Variants in ERBB4 observed in about 807,000 individuals in gnomAD.
The protein encoded by ERBB4 is receptor tyrosine-protein kinase erbB-4.
Under a neutral mutation model 158.0 loss-of-function variants are expected in ERBB4, and 42 were observed. That is an observed-to-expected ratio of 0.27 (90% CI 0.21 to 0.34). The LOEUF (loss-of-function observed/expected upper bound fraction) is 0.34, where lower values mean the gene tolerates loss of function less well. Among genes scored for constraint, ERBB4 ranks in the 10% least tolerant of loss-of-function variants. The pLI, the probability that ERBB4 is intolerant of heterozygous loss-of-function variation, is 1.00. For synonymous variants in ERBB4, 583 were observed against 558.7 expected (o/e 1.04, Z -0.61); for missense variants, 1,333 against 1,624.1 (o/e 0.82, Z 3.08).
intron 3 of ERBB4, among the ~76,000 whole-genome samples, chr2:211,889,778 A>T (rs1013053671): frequency 6.6e-6 from 1 of 151,926 alleles, no homozygotes; most frequent in African/African-American, 2.4e-5. Context: ...TCAGGAGCCG[A>T]TGCGATCAAC....
chr2:212,407,570 T>C (rs983533890), intron 1 of ERBB4, among the ~76,000 whole-genome samples: 4 of 152,114 alleles, frequency 2.6e-5, no homozygotes, highest in African/African-American at 9.7e-5. Flanking sequence ...TATATATATG[T>C]ATTTAAGTGT....
chr2:211,905,659 T>C (rs111425020), intron 3 of ERBB4, among the ~76,000 whole-genome samples: 46 of 121,366 alleles, frequency 3.8e-4, no homozygotes, highest in African/African-American at 1.5e-3. Flanking sequence ...TATATATATA[T>C]ATATATATAT....
intron 3 of ERBB4, among the ~76,000 whole-genome samples, chr2:211,807,016 T>C (rs2076634054): frequency 6.6e-6 from 1 of 152,152 alleles, no homozygotes; most frequent in Non-Finnish European, 1.5e-5. Context: ...TAATATATTC[T>C]GTTCAATAGA....
chr2:212,209,140 T>C (rs2105922005), intron 1 of ERBB4, among the ~76,000 whole-genome samples: 1 of 152,264 alleles, frequency 6.6e-6, no homozygotes, highest in South Asian at 2.1e-4. Context: ...CATAATCCTT[T>C]CTATGGAAAT....
intron 1 of ERBB4, among the ~76,000 whole-genome samples, chr2:212,446,999 T>C (rs1035580589): frequency 6.6e-6 from 1 of 150,962 alleles, no homozygotes; most frequent in African/African-American, 2.4e-5. Context: ...ATTTTTCTTT[T>C]TTTTTTTTTT....
At chr2:212,165,127 T>A (rs2125657126) in intron 1 of ERBB4, among the ~76,000 whole-genome samples, 1 of 152,020 alleles carries the variant, frequency 6.6e-6, no homozygotes, top group East Asian at 1.9e-4. Context: ...CCCACCTGAA[T>A]TTTCCTATTT....
At chr2:211,910,493 A>G (rs898366016) in intron 3 of ERBB4, among the ~76,000 whole-genome samples, 2 of 151,214 alleles carry the variant, frequency 1.3e-5, no homozygotes, top group Admixed American at 1.3e-4. Flanking sequence ...CAAATACTGC[A>G]TGTTCCCACT....
At chr2:211,585,815 A>G (rs1248171929) in intron 19 of ERBB4, among the ~76,000 whole-genome samples, 5 of 152,152 alleles carry the variant, frequency 3.3e-5, no homozygotes. Flanking sequence ...TGTTATCAAT[A>G]TTATTATGGA....
chr2:211,646,369 T>A (rs1296527155), intron 16 of ERBB4, among the ~76,000 whole-genome samples: 3 of 151,490 alleles, frequency 2.0e-5, no homozygotes, highest in Non-Finnish European at 4.4e-5. Context: ...GCTGGTGAGC[T>A]TTAACTATCA....
chr2:211,606,818 G>A (rs546379243), intron 19 of ERBB4, among the ~76,000 whole-genome samples: 1 of 152,240 alleles, frequency 6.6e-6, no homozygotes, highest in African/African-American at 2.4e-5. Context: ...AGTGAATGCT[G>A]CACATTTTGA....
At chr2:212,070,490 C>T (rs963047606) in intron 2 of ERBB4, among the ~76,000 whole-genome samples, 12 of 152,040 alleles carry the variant, frequency 7.9e-5, no homozygotes, top group African/African-American at 2.7e-4. Context: ...AGATAATACA[C>T]ATATAAATCA....
chr2:211,574,050 C>T (rs1367284824), intron 19 of ERBB4, among the ~76,000 whole-genome samples: 1 of 152,136 alleles, frequency 6.6e-6, no homozygotes, highest in Admixed American at 6.5e-5. Flanking sequence ...CTAGTAGATA[C>T]TTAAAATGTT....
chr2:212,175,980 G>A (rs1466758069), intron 1 of ERBB4, among the ~76,000 whole-genome samples: 1 of 151,936 alleles, frequency 6.6e-6, no homozygotes, highest in Non-Finnish European at 1.5e-5. Context: ...ATTTTATAAA[G>A]TTGCCTCTAT....
At chr2:212,315,481 T>C (rs1044215692) in intron 1 of ERBB4, among the ~76,000 whole-genome samples, 1 of 151,474 alleles carries the variant, frequency 6.6e-6, no homozygotes, top group African/African-American at 2.4e-5. Context: ...AAATTATTTT[T>C]AAAACAGGTA....
At chr2:211,424,431 C>T in intron 22 of ERBB4, 130 bp from the exon 23 acceptor site, 1 of 651,434 alleles carries the variant, frequency 1.5e-6, no homozygotes, top group Non-Finnish European at 2.7e-6. Context: ...AAAAAAAAAG[C>T]TCCATAAATT....
intron 1 of ERBB4, among the ~76,000 whole-genome samples, chr2:212,506,150 ACT>A (rs552484660): frequency 0.01 from 1,547 of 148,852 alleles, 58 homozygotes; most frequent in African/African-American, 0.036. Context: ...CTTTGATGTT[ACT>A]ATTGTAATTG....
chr2:211,850,992 G>A (rs1259603141), intron 3 of ERBB4, among the ~76,000 whole-genome samples: 1 of 151,896 alleles, frequency 6.6e-6, no homozygotes, highest in African/African-American at 2.4e-5. Context: ...ACTCTGCTCT[G>A]CCTGATAGTC....
intron 2 of ERBB4, among the ~76,000 whole-genome samples, chr2:212,048,751 A>G (rs1425680132): frequency 6.6e-6 from 1 of 152,230 alleles, no homozygotes; most frequent in Non-Finnish European, 1.5e-5. Flanking sequence ...GGGTGGTGAC[A>G]GAGCTCCCTG....
intron 4 of ERBB4, chr2:211,777,104 C>A (rs2075897797): frequency 6.6e-6 from 1 of 152,152 alleles, no homozygotes; most frequent in Admixed American, 6.5e-5. Flanking sequence ...AATAGTTCTT[C>A]AAATTGAGCA....
Sources: allele counts gnomAD v4.1 joint callset (sites outside exome capture counted in the v4.1 genomes callset), GRCh38; gene constraint gnomAD v4.1.1; transcripts MANE v1.5; gene names NCBI Gene and HGNC (gene_info 2026-07-23, HGNC 2026-07-21).